Variants in SH3RF3 observed in about 807,000 individuals in gnomAD.
SH3RF3 encodes the protein E3 ubiquitin-protein ligase SH3RF3.
A neutral mutation model predicts 66.3 loss-of-function variants in SH3RF3; 29 were observed. That is an observed-to-expected ratio of 0.44 (90% confidence interval 0.33 to 0.60). The LOEUF (loss-of-function observed/expected upper bound fraction) is 0.60. Among genes scored for constraint, SH3RF3 ranks in the 20% least tolerant of loss-of-function variants. The pLI, the probability that SH3RF3 is intolerant of heterozygous loss-of-function variation, is 0.04. For synonymous variants in SH3RF3, 583 were observed against 532.0 expected (o/e 1.10, Z -1.32); for missense variants, 1,194 against 1,190.9 (o/e 1.00, Z -0.04).
At position 109,456,948 on chromosome 2, in the gene SH3RF3, G is replaced by A. The variant is rs531510784; in HGVS notation, c.2148+7459G>A. On this transcript the variant is annotated intron_variant, in intron 8 of 9. Coordinates refer to ENST00000309415, the MANE Select transcript of SH3RF3 (RefSeq NM_001099289.3). ...GAAGGAGCACAGTCATCTCAACAGC[G>A]AGTGAAGCTTGAATTTGGAGGAGGA... Among the ~76,000 whole-genome samples the A allele has an allele frequency of 1.2e-4, 19 of 152,326 alleles. No individual in the cohort carries two copies. The South Asian group carries it at 3.1e-3, about 25-fold the overall frequency.
intron 1 of SH3RF3, among the ~76,000 whole-genome samples, chr2:109,315,231 TA>T (rs1156700761): frequency 2.0e-5 from 3 of 152,214 alleles, no homozygotes; most frequent in Non-Finnish European, 4.4e-5. Flanking sequence ...TGGAGAGGGC[TA>T]TAGTCTCTCC....
intron 1 of SH3RF3, among the ~76,000 whole-genome samples, chr2:109,203,082 G>A (rs867619812): frequency 1.3e-5 from 2 of 152,138 alleles, no homozygotes; most frequent in Non-Finnish European, 2.9e-5. Flanking sequence ...AAGCTCCGTC[G>A]AGCCTGGAAC....
chr2:109,193,190 C>A (rs1678411178), intron 1 of SH3RF3, among the ~76,000 whole-genome samples: 1 of 152,200 alleles, frequency 6.6e-6, no homozygotes, highest in South Asian at 2.1e-4. Flanking sequence ...GGAATCAGGG[C>A]AAATTGTCTG....
At chr2:109,170,871 C>T (rs1253649916) in intron 1 of SH3RF3, among the ~76,000 whole-genome samples, 2 of 152,186 alleles carry the variant, frequency 1.3e-5, no homozygotes, top group Non-Finnish European at 2.9e-5. Context: ...AGCTACCTTG[C>T]GTCACCTTCC....
chr2:109,347,260 C>A (rs1682731132), intron 1 of SH3RF3, among the ~76,000 whole-genome samples: 1 of 152,162 alleles, frequency 6.6e-6, no homozygotes, highest in African/African-American at 2.4e-5. Context: ...GTAAGAAATT[C>A]CGAGCCCAGA....
intron 8 of SH3RF3, among the ~76,000 whole-genome samples, chr2:109,485,537 C>T (rs79919793): frequency 2.6e-5 from 4 of 152,138 alleles, no homozygotes; most frequent in African/African-American, 9.7e-5. Context: ...TAGAGGAGCC[C>T]CCATCTTAAT....
chr2:109,407,019 G>C (rs994132679), intron 4 of SH3RF3, among the ~76,000 whole-genome samples: 3 of 152,188 alleles, frequency 2.0e-5, no homozygotes, highest in African/African-American at 7.2e-5. Context: ...CCAAAGTAAG[G>C]CTAGTGTGGC....
In SH3RF3 at chr2:109,414,244, A is replaced by G. The variant is rs148859076; in HGVS notation, c.1300-5295A>G. Among the ~76,000 whole-genome samples, 781 of 152,274 alleles carry G rather than the reference A, an allele frequency of 5.1e-3. 8 individuals carry two copies. The highest frequency in any genetic ancestry group is 0.017 in the African/African-American group (716 of 41,562). ...GATCACGAGCCTTTGTTGAGGGCCT[A>G]TTCTGTGTACTTAGAGTGACTGCTT... On this transcript the variant is annotated intron_variant, in intron 4 of 9. Transcript: ENST00000309415.
At chr2:109,379,279 A>C (rs764519084) in intron 3 of SH3RF3, among the ~76,000 whole-genome samples, 2 of 152,218 alleles carry the variant, frequency 1.3e-5, no homozygotes, top group East Asian at 3.8e-4. Context: ...CCAGGGCTCA[A>C]TCTCTCCAGC....
intron 1 of SH3RF3, among the ~76,000 whole-genome samples, chr2:109,170,206 T>C (rs1677728378): frequency 6.6e-6 from 1 of 151,916 alleles, no homozygotes; most frequent in Admixed American, 6.6e-5. Flanking sequence ...AGATGTTTTC[T>C]TTCTCTCTCT....
intron 1 of SH3RF3, among the ~76,000 whole-genome samples, chr2:109,305,721 A>G (rs891201005): frequency 2.0e-5 from 3 of 152,194 alleles, no homozygotes; most frequent in African/African-American, 4.8e-5. Flanking sequence ...TGTGGCTACA[A>G]TGCGGGAGGA....
chr2:109,431,837 C>G (rs1677224591), intron 5 of SH3RF3, among the ~76,000 whole-genome samples: 2 of 151,896 alleles, frequency 1.3e-5, no homozygotes, highest in South Asian at 4.2e-4. Context: ...TACCACTGCA[C>G]TCCAGCCTGG....
intron 9 of SH3RF3, among the ~76,000 whole-genome samples, chr2:109,497,671 G>T (rs778870145): frequency 1.9e-4 from 29 of 152,212 alleles, no homozygotes; most frequent in Non-Finnish European, 2.9e-4. Flanking sequence ...GCAGCAGGAA[G>T]AACAGCTCAG....
chr2:109,251,588 A>G (rs897507359), intron 1 of SH3RF3: 2 of 943,402 alleles, frequency 2.1e-6, no homozygotes, highest in South Asian at 2.6e-5. Flanking sequence ...CAACAGAACA[A>G]TATTGGAATG....
At chr2:109,271,601 G>A (rs1309932006) in intron 1 of SH3RF3, among the ~76,000 whole-genome samples, 1 of 152,196 alleles carries the variant, frequency 6.6e-6, no homozygotes, top group Non-Finnish European at 1.5e-5. Context: ...TTCTGGAGTG[G>A]GGACCAACAA....
Position 109,411,335 on chromosome 2 carries a change from A to G in SH3RF3, c.1300-8204A>G, listed in dbSNP as rs11885206. ...TTAAAGGAGAGGCCCCTTTCCCTGC[A>G]GTTAGTTCCTGCCAGGGTTAGCAGT... On this transcript the variant is annotated intron_variant, in intron 4 of 9. Transcript: ENST00000309415. Among the ~76,000 whole-genome samples, 909 of 152,318 alleles carry G rather than the reference A, an allele frequency of 6.0e-3. 11 individuals are homozygous for G. Among genetic ancestry groups the G allele is most frequent in the African/African-American group, 0.021 (853 of 41,576 alleles).
rs75965363 is a variant in SH3RF3 at position 109,430,342 on chromosome 2, C to T, written c.1404-2159C>T. 3.4e-3 allele frequency among the ~76,000 whole-genome samples: 520 copies of T among 152,356 alleles called. 18 individuals carry two copies. In the East Asian group the frequency reaches 0.061, roughly 18 times the overall value. ...AGAGCAGGCACATCAATTTGTGCGT[C>T]ATTGTTACTGATTCACAAGCCTTCC... On this transcript the variant is annotated intron_variant, in intron 5 of 9. Coordinates refer to ENST00000309415, the MANE Select transcript of SH3RF3 (RefSeq NM_001099289.3).
intron 1 of SH3RF3, among the ~76,000 whole-genome samples, chr2:109,248,591 C>G (rs183792713): frequency 2.8e-4 from 43 of 152,334 alleles, no homozygotes; most frequent in South Asian, 8.3e-4. Context: ...AACCTTGAGA[C>G]ATTAATTGAC....
At chr2:109,395,325 A>G (rs975616836) in intron 3 of SH3RF3, among the ~76,000 whole-genome samples, 10 of 152,198 alleles carry the variant, frequency 6.6e-5, no homozygotes, top group African/African-American at 2.4e-4. Context: ...ACAGGGCAGG[A>G]GGAAAGGGGT....
Sources: allele counts gnomAD v4.1 joint callset (sites outside exome capture counted in the v4.1 genomes callset), GRCh38; gene constraint gnomAD v4.1.1; transcripts MANE v1.5; gene names NCBI Gene and HGNC (gene_info 2026-07-23, HGNC 2026-07-21).